RBFOX1: variants seen among roughly 807,000 people sequenced by gnomAD.
RBFOX1 encodes RNA binding protein fox-1 homolog 1.
RBFOX1 carries 8 observed loss-of-function variants against 57.7 expected under a neutral mutation model. The observed-to-expected ratio is 0.14, with a 90% CI of 0.08 to 0.25. The LOEUF (loss-of-function observed/expected upper bound fraction) is 0.25, where lower values mean the gene tolerates loss of function less well. RBFOX1 is among the 10% of genes least tolerant of loss of function. The pLI, the probability that RBFOX1 is intolerant of heterozygous loss-of-function variation, is 1.00. For synonymous variants in RBFOX1, 326 were observed against 222.4 expected (o/e 1.47, Z -4.15); for missense variants, 611 against 548.5 (o/e 1.11, Z -1.14).
intron 3 of RBFOX1, among the ~76,000 whole-genome samples, chr16:6,909,352 A>T (rs1458642038): frequency 1.3e-5 from 2 of 152,176 alleles, no homozygotes; most frequent in African/African-American, 4.8e-5. Context: ...CTTTGTGATT[A>T]CTTTGGGTCC....
intron 3 of RBFOX1, among the ~76,000 whole-genome samples, chr16:5,747,132 T>C (rs2053015471): frequency 6.6e-6 from 1 of 152,174 alleles, no homozygotes; most frequent in Non-Finnish European, 1.5e-5. Context: ...TCTGCATCTA[T>C]TGAGATAATC....
At chr16:7,110,505 A>G (rs912159395) in intron 4 of RBFOX1, among the ~76,000 whole-genome samples, 1 of 152,224 alleles carries the variant, frequency 6.6e-6, no homozygotes, top group African/African-American at 2.4e-5. Flanking sequence ...GCCTGAGCAC[A>G]GTAGTTGCAT....
chr16:5,681,589 C>T (rs955394569), intron 3 of RBFOX1, among the ~76,000 whole-genome samples: 5 of 151,348 alleles, frequency 3.3e-5, no homozygotes, highest in Non-Finnish European at 5.9e-5. Flanking sequence ...GACGGACTTT[C>T]TCCATGTTGG....
chr16:6,835,465 C>G (rs2093024843), intron 3 of RBFOX1, among the ~76,000 whole-genome samples: 1 of 152,020 alleles, frequency 6.6e-6, no homozygotes, highest in Admixed American at 6.5e-5. Flanking sequence ...AAGTTTCTAT[C>G]TTCTTGGCCG....
intron 1 of RBFOX1, among the ~76,000 whole-genome samples, chr16:6,051,624 C>G (rs2095552673): frequency 6.6e-6 from 1 of 152,146 alleles, no homozygotes; most frequent in Non-Finnish European, 1.5e-5. Context: ...GGTGCAATGG[C>G]ACAATCTTGG....
At chr16:6,573,410 C>T (rs1015033241) in intron 2 of RBFOX1, among the ~76,000 whole-genome samples, 1 of 152,172 alleles carries the variant, frequency 6.6e-6, no homozygotes. Context: ...CCTGGCCTGT[C>T]TCTTGAGTAA....
At chr16:5,744,706 A>C (rs1245413741) in intron 3 of RBFOX1, among the ~76,000 whole-genome samples, 1 of 152,206 alleles carries the variant, frequency 6.6e-6, no homozygotes, top group East Asian at 1.9e-4. Context: ...TCAGCCTTGG[A>C]AAATGGTGGT....
intron 4 of RBFOX1, among the ~76,000 whole-genome samples, chr16:7,394,199 G>T (rs1035962389): frequency 8.5e-6 from 1 of 118,338 alleles, no homozygotes; most frequent in Non-Finnish European, 1.6e-5. Flanking sequence ...TCGTGCTACT[G>T]CACTCTAGCC....
At chr16:5,326,678 G>A (rs17137829) in intron 1 of RBFOX1, among the ~76,000 whole-genome samples, 5,889 of 152,220 alleles carry the variant, frequency 0.039, 353 homozygotes, top group African/African-American at 0.13. Flanking sequence ...GAGGTTATCC[G>A]TTCCAATTAA....
chr16:6,169,096 A>G (rs1458102941), intron 1 of RBFOX1, among the ~76,000 whole-genome samples: 5 of 152,288 alleles, frequency 3.3e-5, no homozygotes, highest in East Asian at 3.9e-4. Flanking sequence ...TTGTAGAAAA[A>G]TGGATAGAAG....
chr16:6,769,510 G>A (rs1165740025), intron 3 of RBFOX1, among the ~76,000 whole-genome samples: 4 of 152,182 alleles, frequency 2.6e-5, no homozygotes, highest in South Asian at 4.1e-4. Context: ...TATCCTTAAT[G>A]GTTTATCACC....
At chr16:6,243,659 G>T (rs576079467) in intron 1 of RBFOX1, among the ~76,000 whole-genome samples, 1 of 152,300 alleles carries the variant, frequency 6.6e-6, no homozygotes, top group African/African-American at 2.4e-5. Context: ...TGTCTCATCA[G>T]AGCATCCCAA....
chr16:7,335,477 T>G (rs1445831301), intron 4 of RBFOX1, among the ~76,000 whole-genome samples: 1 of 152,082 alleles, frequency 6.6e-6, no homozygotes, highest in African/African-American at 2.4e-5. Context: ...TTTCAAGGTC[T>G]TTCCAACCTC....
intron 2 of RBFOX1, among the ~76,000 whole-genome samples, chr16:6,503,748 C>T (rs1022958656): frequency 1.3e-5 from 2 of 152,160 alleles, no homozygotes; most frequent in African/African-American, 4.8e-5. Flanking sequence ...TCAAGACACA[C>T]AGCCAATCCC....
intron 4 of RBFOX1, among the ~76,000 whole-genome samples, chr16:5,902,002 C>T (rs752427169): frequency 4.1e-4 from 62 of 152,050 alleles, no homozygotes; most frequent in Non-Finnish European, 5.9e-4. Flanking sequence ...CTGTAACTTC[C>T]CATTATTACT....
At chr16:7,242,207 C>G (rs568828383) in intron 4 of RBFOX1, among the ~76,000 whole-genome samples, 1 of 152,278 alleles carries the variant, frequency 6.6e-6, no homozygotes, top group South Asian at 2.1e-4. Context: ...ATGGAAACTA[C>G]TGTCTCCTAG....
At position 7,198,622 on chromosome 16, in the gene RBFOX1, C is replaced by G. The variant is rs567893662; in HGVS notation, c.27+146524C>G. ...AGCATGACACTGCATATCACATGGG[C>G]TTTCCTGCTCCTCCATCACATGGTG... On this transcript the variant is annotated intron_variant, in intron 4 of 15. Transcript: ENST00000550418. 6.6e-5 allele frequency among the ~76,000 whole-genome samples: 10 copies of G among 152,252 alleles called. No homozygotes were observed. In the South Asian group the frequency reaches 2.1e-3, roughly 32 times the overall value.
At chr16:5,884,185 C>T (rs2057837550) in intron 4 of RBFOX1, among the ~76,000 whole-genome samples, 1 of 152,146 alleles carries the variant, frequency 6.6e-6, no homozygotes, top group South Asian at 2.1e-4. Flanking sequence ...AATGATACCT[C>T]AATTTTACAT....
At chr16:5,963,052 C>T (rs1331983507) in intron 4 of RBFOX1, among the ~76,000 whole-genome samples, 1 of 152,056 alleles carries the variant, frequency 6.6e-6, no homozygotes, top group East Asian at 1.9e-4. Flanking sequence ...TATTATGTAT[C>T]CTGATCGTAA....
Sources: allele counts gnomAD v4.1 joint callset (sites outside exome capture counted in the v4.1 genomes callset), GRCh38; gene constraint gnomAD v4.1.1; transcripts MANE v1.5; gene names NCBI Gene and HGNC (gene_info 2026-07-23, HGNC 2026-07-21).